UNC13C: variants seen among roughly 807,000 people sequenced by gnomAD.
UNC13C encodes protein unc-13 homolog C.
Under a neutral mutation model 245.4 loss-of-function variants are expected in UNC13C, and 174 were observed. The observed-to-expected ratio is 0.71, with a 90% CI of 0.63 to 0.80. UNC13C has a LOEUF of 0.80. Among genes scored for constraint, UNC13C ranks in the 30% least tolerant of loss-of-function variants. The probability of loss-of-function intolerance (pLI) is 0.00; values close to 1 mark genes in which losing one functional copy is unlikely to be tolerated. For missense variants in UNC13C, 2,829 were observed against 2,602.9 expected (o/e 1.09, Z -1.89); for synonymous variants, 992 against 895.1 (o/e 1.11, Z -1.93).
chr15:54,227,883 G>A (rs2035437624), intron 4 of UNC13C, among the ~76,000 whole-genome samples: 1 of 152,182 alleles, frequency 6.6e-6, no homozygotes, highest in Non-Finnish European at 1.5e-5. Flanking sequence ...AGGCCCTGAC[G>A]CTCCACAATA....
intron 4 of UNC13C, among the ~76,000 whole-genome samples, chr15:54,197,589 T>C (rs555713538): frequency 6.6e-6 from 1 of 152,192 alleles, no homozygotes; most frequent in Non-Finnish European, 1.5e-5. Flanking sequence ...AATAATTGAG[T>C]TGTGGATGCA....
At chr15:54,568,734 C>T (rs1897622629) in intron 30 of UNC13C, among the ~76,000 whole-genome samples, 1 of 152,088 alleles carries the variant, frequency 6.6e-6, no homozygotes, top group African/African-American at 2.4e-5. Context: ...AAGACACTAA[C>T]TTCATTCATG....
chr15:54,421,834 C>G (rs1230952153), intron 19 of UNC13C, among the ~76,000 whole-genome samples: 4 of 152,024 alleles, frequency 2.6e-5, no homozygotes, highest in African/African-American at 9.7e-5. Context: ...AATACACACA[C>G]TTATGTATTA....
chr15:54,264,811 G>A (rs2036513089), intron 9 of UNC13C, among the ~76,000 whole-genome samples: 1 of 151,862 alleles, frequency 6.6e-6, no homozygotes, highest in South Asian at 2.1e-4. Flanking sequence ...GACAATTTGA[G>A]TTTAATGATA....
At chr15:53,950,427 ATTT>A in the UNC13C span, among the ~76,000 whole-genome samples, 1 of 147,946 alleles carries the variant, frequency 6.8e-6, no homozygotes, top group African/African-American at 2.5e-5. Context: ...TAAAATAAAG[ATTT>A]TTTTTTTTTT....
At chr15:53,842,177 G>A in the UNC13C span, among the ~76,000 whole-genome samples, 2 of 152,126 alleles carry the variant, frequency 1.3e-5, no homozygotes, top group Admixed American at 6.5e-5. Flanking sequence ...ATAGTGAAAA[G>A]AGTATTAGTC....
At chr15:54,374,321 C>G (rs1056124983) in intron 17 of UNC13C, among the ~76,000 whole-genome samples, 9 of 152,282 alleles carry the variant, frequency 5.9e-5, no homozygotes, top group Middle Eastern at 3.4e-3. Flanking sequence ...CCTGTCAGCC[C>G]AGGTGCCCAG....
chr15:53,930,554 A>G, the UNC13C span, among the ~76,000 whole-genome samples: 1 of 152,210 alleles, frequency 6.6e-6, no homozygotes, highest in African/African-American at 2.4e-5. Flanking sequence ...CTTATTAAAA[A>G]TCTGAATACA....
At chr15:54,303,864 G>A (rs1470157861) in intron 13 of UNC13C, among the ~76,000 whole-genome samples, 1 of 152,010 alleles carries the variant, frequency 6.6e-6, no homozygotes, top group Non-Finnish European at 1.5e-5. Flanking sequence ...CACAGGTAGA[G>A]GAGAGACAAA....
At chr15:54,277,754 T>G in intron 10 of UNC13C, among the ~76,000 whole-genome samples, 1 of 152,214 alleles carries the variant, frequency 6.6e-6, no homozygotes, top group East Asian at 1.9e-4. Context: ...AAACAAATAA[T>G]TCAGTTGTAT....
At chr15:54,590,847 G>C (rs1286915453) in intron 30 of UNC13C, among the ~76,000 whole-genome samples, 1 of 152,174 alleles carries the variant, frequency 6.6e-6, no homozygotes, top group Non-Finnish European at 1.5e-5. Flanking sequence ...GGAGTGCTGA[G>C]AGTGGCCATC....
the UNC13C span, among the ~76,000 whole-genome samples, chr15:53,930,302 C>T: frequency 2.0e-5 from 3 of 152,118 alleles, no homozygotes; most frequent in East Asian, 1.9e-4. Flanking sequence ...GTCTAGACTT[C>T]GAACTCACAC....
At chr15:53,843,290 T>G in the UNC13C span, among the ~76,000 whole-genome samples, 1 of 151,964 alleles carries the variant, frequency 6.6e-6, no homozygotes, top group South Asian at 2.1e-4. Flanking sequence ...GAAAAAAAAC[T>G]GCAAAAATTA....
intron 28 of UNC13C, among the ~76,000 whole-genome samples, 189 bp from the exon 29 acceptor site, chr15:54,555,243 C>T (rs1244796637): frequency 6.6e-6 from 1 of 151,974 alleles, no homozygotes; most frequent in Non-Finnish European, 1.5e-5. Context: ...AAATATTGAA[C>T]ATTTCTTCCT....
intron 2 of UNC13C, among the ~76,000 whole-genome samples, chr15:54,067,681 G>A (rs1240991123): frequency 6.6e-6 from 1 of 152,120 alleles, no homozygotes; most frequent in African/African-American, 2.4e-5. Flanking sequence ...CTAAATATTT[G>A]TATCTCTCTG....
chr15:54,508,289 C>T lies in UNC13C; in HGVS notation c.5379+1095C>T, dbSNP rs148179133. ...CAAAAGGATCCTGTTTATACTAGGA[C>T]AGCCAAATTGAAGATTTTGAAAGGT... On this transcript the variant is annotated intron_variant, in intron 23 of 32. Coordinates refer to ENST00000260323, the MANE Select transcript of UNC13C (RefSeq NM_001080534.3). Among the ~76,000 whole-genome samples, 810 of 151,990 alleles carry T rather than the reference C, an allele frequency of 5.3e-3. 6 individuals carry two copies. Among genetic ancestry groups the T allele is most frequent in the African/African-American group, 0.019 (790 of 41,436 alleles).
chr15:53,853,001 C>G, the UNC13C span, among the ~76,000 whole-genome samples: 1 of 144,386 alleles, frequency 6.9e-6, no homozygotes, highest in Non-Finnish European at 1.5e-5. Flanking sequence ...AAGGAAATAT[C>G]TTTTTTTTTT....
At chr15:53,941,202 A>G in the UNC13C span, among the ~76,000 whole-genome samples, 1 of 152,182 alleles carries the variant, frequency 6.6e-6, no homozygotes, top group Non-Finnish European at 1.5e-5. Context: ...CAATGAGAAA[A>G]TGATCCCCTA....
At position 54,520,710 on chromosome 15, in the gene UNC13C, C is replaced by G. The variant is rs1007932437; in HGVS notation, c.5458-4839C>G. Among the ~76,000 whole-genome samples the G allele has an allele frequency of 2.0e-5, 3 of 152,096 alleles. No individual in the cohort carries two copies. The South Asian group carries it at 6.2e-4, about 32-fold the overall frequency. On this transcript the variant is annotated intron_variant, in intron 24 of 32. Transcript: ENST00000260323. ...GGACCTTGGGAAACAGAGCAAACAA[C>G]AGTATGAATGAAGGCTAAGATAAAT...
Sources: allele counts gnomAD v4.1 joint callset (sites outside exome capture counted in the v4.1 genomes callset), GRCh38; gene constraint gnomAD v4.1.1; transcripts MANE v1.5; gene names NCBI Gene and HGNC (gene_info 2026-07-23, HGNC 2026-07-21).